The following GAK variants were observed in gnomAD, a reference collection of about 807,000 sequenced individuals.
GAK encodes the protein cyclin G associated kinase.
A neutral mutation model predicts 143.9 loss-of-function variants in GAK; 79 were observed. The ratio of observed to expected loss-of-function variants is 0.55; its 90% confidence interval spans 0.46 to 0.66. The LOEUF is 0.66. GAK is among the 30% of genes least tolerant of loss of function. The pLI is 0.00. For missense variants in GAK, 1,693 were observed against 1,779.7 expected (o/e 0.95, Z 0.88); for synonymous variants, 881 against 765.5 (o/e 1.15, Z -2.49).
intron 3 of GAK, chr4:912,275 T>C: frequency 4.8e-6 from 2 of 418,026 alleles, no homozygotes; most frequent in Non-Finnish European, 9.9e-6. Context: ...AGCCCCCAGA[T>C]CCTCTGTCAG....
chr4:893,802 C>T (rs1273333161), intron 8 of GAK, 72 bp downstream of exon 8: 17 of 1,479,232 alleles, frequency 1.1e-5, no homozygotes, highest in East Asian at 9.8e-5. Flanking sequence ...CCAAGGGGAG[C>T]GGGGTCTCCA....
chr4:870,284 C>T (rs1281614725), intron 19 of GAK, among the ~76,000 whole-genome samples: 3 of 152,170 alleles, frequency 2.0e-5, no homozygotes, highest in South Asian at 2.1e-4. Context: ...CCTGGGCTGC[C>T]GTTTCGAAAC....
chr4:907,216 A>G (rs1721238330), intron 4 of GAK, among the ~76,000 whole-genome samples: 2 of 152,188 alleles, frequency 1.3e-5, no homozygotes, highest in Non-Finnish European at 2.9e-5. Context: ...TGTCCCCAGC[A>G]CAGCCCAGCA....
At chr4:864,520 A>G (rs1439281466) in intron 23 of GAK, among the ~76,000 whole-genome samples, 1 of 152,230 alleles carries the variant, frequency 6.6e-6, no homozygotes, top group Non-Finnish European at 1.5e-5. Flanking sequence ...ACGCAGCTGC[A>G]GCATACGCAT....
intron 15 of GAK, 106 bp downstream of exon 15, chr4:881,801 C>T (rs943668660): frequency 2.7e-5 from 36 of 1,330,744 alleles, no homozygotes; most frequent in Non-Finnish European, 3.2e-5. Flanking sequence ...TTCCCACCAG[C>T]GCCTGCAGCG....
rs555248226 is a variant in GAK, at chr4:863,617, A to G, written c.3166+1505T>C. Among the ~76,000 whole-genome samples the G allele has an allele frequency of 2.6e-5, 4 of 152,348 alleles. No homozygotes were observed. In the East Asian group the frequency reaches 7.7e-4, roughly 29 times the overall value. On this transcript the variant is annotated intron_variant, in intron 23 of 27. Coordinates refer to ENST00000314167, the MANE Select transcript of GAK (RefSeq NM_005255.4). ...CCCTGATCAGTCAGCAGCCATCCAC[A>G]TTGAGGCAAGACCCCCACCAGCAAG...
At chr4:918,203 G>C (rs775815930) in intron 1 of GAK, among the ~76,000 whole-genome samples, 44 of 152,170 alleles carry the variant, frequency 2.9e-4, no homozygotes, top group Non-Finnish European at 5.3e-4. Flanking sequence ...AATCACTGTA[G>C]TAAACAACAT....
intron 24 of GAK, among the ~76,000 whole-genome samples, chr4:855,200 C>A (rs1398170193): frequency 2.6e-5 from 4 of 152,152 alleles, no homozygotes; most frequent in African/African-American, 9.7e-5. Flanking sequence ...ACTCGGGAGC[C>A]TCCAGGCCGT....
At chr4:866,311 G>C (rs529432265) in intron 22 of GAK, 53 bp downstream of exon 22, 32 of 1,554,732 alleles carry the variant, frequency 2.1e-5, no homozygotes, top group Non-Finnish European at 2.8e-5. Flanking sequence ...CAGAGGCTGC[G>C]GTCCTGAGGG....
rs749562838 is a variant in GAK at position 890,559 on chromosome 4, C to T, written c.1054G>A (p.Gly352Ser). Reference protein sequence around the residue: ...TLSRGPPPPVGPAGSGYSGGL... With the variant: ...TLSRGPPPPVSPAGSGYSGGL... ...CCACTGTAGCCACTGCCAGCGGGGC[C>T]CACGGGAGGGGGTGGCCCTCGGGAC... The change falls in exon 10 of 28, where the codon GGC (glycine) becomes AGC (serine). Residue 352 changes from glycine (G) to serine (S), a missense_variant. Physicochemically the swap from Gly to Ser is moderately conservative, Grantham distance 56. Coordinates refer to ENST00000314167, the MANE Select transcript of GAK (RefSeq NM_005255.4). 39 of 1,610,846 alleles carry T rather than the reference C, an allele frequency of 2.4e-5. No homozygotes were observed. Among genetic ancestry groups the T allele is most frequent in the Non-Finnish European group, 3.2e-5 (38 of 1,179,070 alleles).
intron 24 of GAK, chr4:853,804 T>C (rs1326027121): frequency 4.6e-5 from 1 of 21,612 alleles, no homozygotes; most frequent in Non-Finnish European, 1.1e-4. Context: ...GCCCATTTTC[T>C]TTTTTTTTTT....
chr4:893,788 T>C, intron 8 of GAK, 86 bp downstream of exon 8: 3 of 1,426,664 alleles, frequency 2.1e-6, no homozygotes, highest in Non-Finnish European at 2.8e-6. Context: ...AGGTGAGCAG[T>C]GCCCCAAGGG....
At chr4:928,740 C>T (rs1725221665) in intron 1 of GAK, among the ~76,000 whole-genome samples, 1 of 152,136 alleles carries the variant, frequency 6.6e-6, no homozygotes, top group South Asian at 2.1e-4. Context: ...GTGCCCTCAC[C>T]CAGTCCAGAA....
chr4:921,189 G>A (rs1012591940), intron 1 of GAK, among the ~76,000 whole-genome samples: 3 of 151,986 alleles, frequency 2.0e-5, no homozygotes, highest in Non-Finnish European at 2.9e-5. Flanking sequence ...TGTAGCCTCC[G>A]CCTCCCAGGT....
At position 851,102 on chromosome 4, in the gene GAK, CTTT is replaced by C. The variant is rs748773762; in HGVS notation, c.3509-21_3509-19del. 1 of 1,609,268 alleles carries C rather than the reference CTTT, an allele frequency of 6.2e-7. No homozygotes were observed. The stretch of plus-strand genomic sequence containing the variant: ...CTTTTGAGCTAGAAAAGAACAGAAA[CTTT>C]TTTTTGTTTGAGACAGGGTCTCCAC... On this transcript the variant is annotated intron_variant, in intron 25 of 27. Coordinates refer to ENST00000314167, the MANE Select transcript of GAK (RefSeq NM_005255.4).
chr4:930,496 T>G (rs1725481928), intron 1 of GAK, among the ~76,000 whole-genome samples: 2 of 150,204 alleles, frequency 1.3e-5, no homozygotes, highest in Non-Finnish European at 3.0e-5. Context: ...CCCACCAAGA[T>G]CCGTGCCATC....
At chr4:874,205 C>T (rs1002804671) in intron 18 of GAK, among the ~76,000 whole-genome samples, 7 of 152,064 alleles carry the variant, frequency 4.6e-5, no homozygotes, top group East Asian at 1.9e-4. Flanking sequence ...TGTGCGCACG[C>T]GCTGGTGCTC....
rs566661633 is a variant in GAK at position 858,956 on chromosome 4, C to A, written c.3283+650G>T. 2.1e-3 allele frequency among the ~76,000 whole-genome samples: 320 copies of A among 152,356 alleles called. 5 individuals carry two copies. The highest frequency in any genetic ancestry group is 5.6e-4 in the Non-Finnish European group (38 of 68,034). ...CAAGGTGGAGCCACTTCCCACCCAG[C>A]ATTCCACCCGACGGCCAGGCAAGTG... is the stretch of plus-strand genomic sequence containing the variant. On this transcript the variant is annotated intron_variant, in intron 24 of 27. Transcript: ENST00000314167.
At chr4:859,980 A>G (rs970289193) in intron 23 of GAK, among the ~76,000 whole-genome samples, 10 of 152,244 alleles carry the variant, frequency 6.6e-5, no homozygotes, top group African/African-American at 2.4e-4. Flanking sequence ...TATCATTATG[A>G]TTATGATTCT....
Sources: allele counts gnomAD v4.1 joint callset (sites outside exome capture counted in the v4.1 genomes callset), GRCh38; gene constraint gnomAD v4.1.1; transcripts MANE v1.5; gene names NCBI Gene and HGNC (gene_info 2026-07-23, HGNC 2026-07-21).